NEGR1: variants seen among roughly 807,000 people sequenced by gnomAD.
The protein encoded by NEGR1 is neuronal growth regulator 1.
NEGR1 carries 10 observed loss-of-function variants against 40.9 expected under a neutral mutation model. The observed-to-expected ratio is 0.24, with a 90% CI of 0.15 to 0.42. The LOEUF (loss-of-function observed/expected upper bound fraction) is 0.42. NEGR1 is among the 10% of genes least tolerant of loss of function. The pLI is 1.00. For synonymous variants in NEGR1, 185 were observed against 166.8 expected (o/e 1.11, Z -0.84); for missense variants, 352 against 438.9 (o/e 0.80, Z 1.77).
At chr1:72,195,437 A>G (rs956467264) in intron 1 of NEGR1, among the ~76,000 whole-genome samples, 1 of 152,046 alleles carries the variant, frequency 6.6e-6, no homozygotes, top group South Asian at 2.1e-4. Context: ...TTTTAATTGA[A>G]ATTATTCTTC....
intron 1 of NEGR1, among the ~76,000 whole-genome samples, chr1:72,252,658 G>A (rs376966781): frequency 2.4e-4 from 36 of 152,168 alleles, no homozygotes; most frequent in East Asian, 1.9e-3. Flanking sequence ...GTATGCGCAC[G>A]TTTACATGAG....
chr1:71,704,857 C>T (rs535789930), intron 3 of NEGR1, among the ~76,000 whole-genome samples: 6 of 151,236 alleles, frequency 4.0e-5, no homozygotes, highest in Admixed American at 1.3e-4. Context: ...CACAAAAATC[C>T]CTTAACAAAT....
At chr1:72,127,240 A>G (rs964371363) in intron 1 of NEGR1, among the ~76,000 whole-genome samples, 5 of 152,060 alleles carry the variant, frequency 3.3e-5, no homozygotes, top group African/African-American at 1.2e-4. Flanking sequence ...CGAGGCGGGA[A>G]GATCACGACG....
chr1:71,955,899 G>T (rs890522569), intron 1 of NEGR1, among the ~76,000 whole-genome samples: 1 of 152,112 alleles, frequency 6.6e-6, no homozygotes, highest in African/African-American at 2.4e-5. Context: ...TAAACAAAAC[G>T]TAGTTCTTTG....
Position 71,888,166 on chromosome 1 carries a change from C to G in NEGR1, c.409+46913G>C, listed in dbSNP as rs370735039. Among the ~76,000 whole-genome samples, 4 of 152,072 alleles carry G rather than the reference C, an allele frequency of 2.6e-5. No individual in the cohort carries two copies. The South Asian group carries it at 8.3e-4, about 31-fold the overall frequency. On this transcript the variant is annotated intron_variant, in intron 2 of 6. Coordinates refer to ENST00000357731, the MANE Select transcript of NEGR1 (RefSeq NM_173808.3). ...TTATTTTTTTTCTTCTAACCTATCT[C>G]TGAATAGAAAAAGAAACTGATTTAG...
chr1:72,234,115 C>T (rs1557590839), intron 1 of NEGR1, among the ~76,000 whole-genome samples: 1 of 152,062 alleles, frequency 6.6e-6, no homozygotes, highest in Non-Finnish European at 1.5e-5. Flanking sequence ...AGTTATTTTT[C>T]CTGATCCTCT....
chr1:71,446,546 C>T (rs1463124723), intron 6 of NEGR1, among the ~76,000 whole-genome samples: 3 of 152,070 alleles, frequency 2.0e-5, no homozygotes, highest in African/African-American at 7.2e-5. Flanking sequence ...TAGATTATAT[C>T]CCTATGACCA....
chr1:71,524,845 G>A (rs745620684), intron 6 of NEGR1, among the ~76,000 whole-genome samples: 50 of 151,738 alleles, frequency 3.3e-4, no homozygotes, highest in Non-Finnish European at 5.9e-4. Flanking sequence ...TGTGACATGA[G>A]AAAAATTTGA....
At chr1:72,154,737 A>C (rs1014821570) in intron 1 of NEGR1, among the ~76,000 whole-genome samples, 2 of 151,982 alleles carry the variant, frequency 1.3e-5, no homozygotes, top group Non-Finnish European at 2.9e-5. Flanking sequence ...TATTCTTTAC[A>C]CATGACTTAC....
At chr1:71,633,012 A>G (rs1362392265) in intron 4 of NEGR1, among the ~76,000 whole-genome samples, 2 of 152,096 alleles carry the variant, frequency 1.3e-5, no homozygotes, top group East Asian at 3.9e-4. Context: ...TTTTGTTATT[A>G]AGTAGATATA....
At chr1:71,643,648 C>T (rs184926038) in intron 4 of NEGR1, among the ~76,000 whole-genome samples, 1 of 152,068 alleles carries the variant, frequency 6.6e-6, no homozygotes, top group African/African-American at 2.4e-5. Context: ...CATGATCAAA[C>T]ACAAATGTAT....
intron 1 of NEGR1, among the ~76,000 whole-genome samples, chr1:71,994,434 A>G (rs1646484444): frequency 6.6e-6 from 1 of 151,938 alleles, no homozygotes. Context: ...AGGCTGAGGC[A>G]GGAGAATGGC....
intron 1 of NEGR1, among the ~76,000 whole-genome samples, chr1:71,988,871 C>T (rs912586361): frequency 1.2e-4 from 16 of 137,992 alleles, no homozygotes; most frequent in Middle Eastern, 4.1e-3. Context: ...CAAGGAAAAA[C>T]CACATATCCA....
chr1:71,457,692 G>A (rs1049314529), intron 6 of NEGR1, among the ~76,000 whole-genome samples: 1 of 151,960 alleles, frequency 6.6e-6, no homozygotes, highest in African/African-American at 2.4e-5. Flanking sequence ...CCTATTATTA[G>A]TTTTCCTTTT....
chr1:71,958,413 A>G (rs1646135775), intron 1 of NEGR1, among the ~76,000 whole-genome samples: 1 of 152,226 alleles, frequency 6.6e-6, no homozygotes, highest in African/African-American at 2.4e-5. Flanking sequence ...CTCTACATAA[A>G]GGAATCCAGA....
At chr1:72,060,645 G>A (rs747327447) in intron 1 of NEGR1, among the ~76,000 whole-genome samples, 1 of 151,548 alleles carries the variant, frequency 6.6e-6, no homozygotes, top group Non-Finnish European at 1.5e-5. Context: ...TTTTAAAATT[G>A]GGGATGAATA....
chr1:71,953,047 A>C (rs751232439), intron 1 of NEGR1, among the ~76,000 whole-genome samples: 1 of 151,884 alleles, frequency 6.6e-6, no homozygotes. Flanking sequence ...TGGAGAATGT[A>C]CAAGAAGATT....
At chr1:71,556,630 T>TACACACAC in intron 6 of NEGR1, among the ~76,000 whole-genome samples, 1 of 147,738 alleles carries the variant, frequency 6.8e-6, no homozygotes, top group African/African-American at 2.5e-5. Flanking sequence ...ATTTTGTAAT[T>TACACACAC]ACACACACAC....
At chr1:71,474,717 C>CAAAAAAAA (rs56219737) in intron 6 of NEGR1, among the ~76,000 whole-genome samples, 43 of 86,002 alleles carry the variant, frequency 5.0e-4, no homozygotes, top group African/African-American at 1.1e-3. Flanking sequence ...GACTCTATCT[C>CAAAAAAAA]AAAAAAAAAA....
Sources: gnomAD v4.1 joint callset for allele counts (sites outside exome capture counted in the v4.1 genomes callset) on GRCh38, gnomAD v4.1.1 for gene constraint, MANE v1.5 for transcripts, NCBI Gene and HGNC (gene_info 2026-07-23, HGNC 2026-07-21) for gene names.